Variants in PICALM observed in about 807,000 individuals in gnomAD.
PICALM encodes the protein phosphatidylinositol binding clathrin assembly protein.
Under a neutral mutation model 80.5 loss-of-function variants are expected in PICALM, and 40 were observed. The observed-to-expected ratio is 0.50, with a 90% CI of 0.39 to 0.65. PICALM has a LOEUF of 0.65. PICALM is among the 30% of genes least tolerant of loss of function. PICALM has a pLI of 0.00. For missense variants in PICALM, 676 were observed against 778.9 expected (o/e 0.87, Z 1.57); for synonymous variants, 288 against 260.3 (o/e 1.11, Z -1.02).
At chr11:86,013,780 CT>C (rs963128321) in intron 5 of PICALM, among the ~76,000 whole-genome samples, 1 of 151,968 alleles carries the variant, frequency 6.6e-6, no homozygotes, top group Non-Finnish European at 1.5e-5. Flanking sequence ...GGTCAGCAAA[CT>C]TTTTTTTGTA....
At chr11:85,967,835 G>C (rs1210654100) in intron 19 of PICALM, among the ~76,000 whole-genome samples, 1 of 152,118 alleles carries the variant, frequency 6.6e-6, no homozygotes, top group Non-Finnish European at 1.5e-5. Flanking sequence ...AATATCTAAA[G>C]GCAACAGTGT....
At chr11:86,045,212 A>G (rs569502880) in intron 1 of PICALM, among the ~76,000 whole-genome samples, 2 of 152,328 alleles carry the variant, frequency 1.3e-5, no homozygotes, top group East Asian at 1.9e-4. Context: ...ATTTTTCCTA[A>G]TAAGTTTAAT....
chr11:85,964,334 T>C (rs1157878788), intron 19 of PICALM, among the ~76,000 whole-genome samples: 1 of 152,242 alleles, frequency 6.6e-6, no homozygotes, highest in Admixed American at 6.5e-5. Context: ...TAGAGATTCA[T>C]TCTGTCTCAT....
At position 85,958,337 on chromosome 11, in the gene PICALM, C is replaced by T. The variant is rs971503670; in HGVS notation, c.*709G>A. 1.4e-5 allele frequency: 3 copies of T among 213,680 alleles called. No homozygotes were observed. The highest frequency in any genetic ancestry group is 6.8e-5 in the African/African-American group (3 of 44,286). 13.2% of individuals were successfully genotyped at this position (213,680 alleles called of 1,614,324 possible). On this transcript the variant is annotated 3_prime_UTR_variant, in exon 20 of 20. Coordinates refer to ENST00000393346, the MANE Select transcript of PICALM (RefSeq NM_007166.4). ...TTCTTAAGAGATTCAGACCTATGGACTTGCCTTAAAATATTTAGTGCTCTG... is the reference window on the plus strand; with the variant it reads ...TTCTTAAGAGATTCAGACCTATGGATTTGCCTTAAAATATTTAGTGCTCTG...
intron 8 of PICALM, 145 bp downstream of exon 8, chr11:86,007,397 A>G: frequency 1.8e-6 from 1 of 549,066 alleles, no homozygotes; most frequent in Non-Finnish European, 3.5e-6. Context: ...TGTTAGAACA[A>G]TCTTCAGGAA....
chr11:86,066,546 A>G (rs2096450641), intron 1 of PICALM, among the ~76,000 whole-genome samples: 1 of 152,188 alleles, frequency 6.6e-6, no homozygotes, highest in South Asian at 2.1e-4. Context: ...CATTTATGAA[A>G]CAACATGCAA....
At chr11:85,973,486 C>T (rs2094174635) in intron 19 of PICALM, among the ~76,000 whole-genome samples, 1 of 152,172 alleles carries the variant, frequency 6.6e-6, no homozygotes, top group Non-Finnish European at 1.5e-5. Flanking sequence ...ACTTTTATTA[C>T]AGTACACTGT....
At chr11:85,970,876 G>C (rs757223115) in intron 19 of PICALM, among the ~76,000 whole-genome samples, 13 of 152,150 alleles carry the variant, frequency 8.5e-5, no homozygotes, top group South Asian at 2.1e-4. Context: ...GCCTACAAAA[G>C]ATTGTTCCAA....
At chr11:86,024,915 T>G (rs1593052271) in intron 3 of PICALM, among the ~76,000 whole-genome samples, 1 of 152,280 alleles carries the variant, frequency 6.6e-6, no homozygotes, top group South Asian at 2.1e-4. Context: ...TCACCTTCTC[T>G]AAAGACATTT....
intron 19 of PICALM, among the ~76,000 whole-genome samples, chr11:85,967,770 T>G (rs1036560634): frequency 6.7e-6 from 1 of 149,894 alleles, no homozygotes; most frequent in South Asian, 2.1e-4. Context: ...CAGCCACTAG[T>G]TCTTAAATAC....
At chr11:86,032,602 G>C (rs2095774965) in intron 1 of PICALM, among the ~76,000 whole-genome samples, 2 of 152,008 alleles carry the variant, frequency 1.3e-5, no homozygotes, top group East Asian at 1.9e-4. Context: ...CTCCAGCCTG[G>C]GCAACAGAGT....
At chr11:86,037,916 C>A (rs1320806097) in intron 1 of PICALM, among the ~76,000 whole-genome samples, 2 of 152,162 alleles carry the variant, frequency 1.3e-5, no homozygotes, top group Non-Finnish European at 2.9e-5. Flanking sequence ...CAGTTCTGTA[C>A]TGTAATTTAT....
chr11:85,991,772 A>C (rs951144305), intron 12 of PICALM, among the ~76,000 whole-genome samples: 6 of 152,232 alleles, frequency 3.9e-5, no homozygotes, highest in Admixed American at 3.9e-4. Flanking sequence ...ACTGGGAAAA[A>C]AGAATCAGAA....
intron 1 of PICALM, among the ~76,000 whole-genome samples, chr11:86,046,766 T>A (rs1424157176): frequency 1.3e-5 from 2 of 152,138 alleles, no homozygotes; most frequent in African/African-American, 4.8e-5. Flanking sequence ...CAGACTGGAG[T>A]AGCTGGGACT....
Position 85,996,815 on chromosome 11 carries a change from T to G in PICALM, c.1258+11A>C. ...CATGTAACATCTAAAATAGAATTCATCAATGCTTACCTCCCCATGTACTTG... is the reference window on the plus strand; with the variant it reads ...CATGTAACATCTAAAATAGAATTCAGCAATGCTTACCTCCCCATGTACTTG... On this transcript the variant is annotated intron_variant, in intron 12 of 19. Coordinates refer to ENST00000393346, the MANE Select transcript of PICALM (RefSeq NM_007166.4). The G allele has an allele frequency of 6.8e-7, 1 of 1,472,964 alleles. No homozygotes were observed. 91.2% of individuals were successfully genotyped at this position (1,472,964 alleles called of 1,614,324 possible). A position where few individuals can be genotyped will look rare whatever the true frequency, so the allele number is the denominator to read the frequency against.
intron 1 of PICALM, among the ~76,000 whole-genome samples, chr11:86,065,166 C>T (rs531709199): frequency 6.6e-6 from 1 of 152,056 alleles, no homozygotes; most frequent in African/African-American, 2.4e-5. Flanking sequence ...AAATTGTGGG[C>T]CAGGCACAGT....
At chr11:86,015,066 A>T in intron 4 of PICALM, 103 bp from the exon 5 acceptor site, 8 of 658,420 alleles carry the variant, frequency 1.2e-5, no homozygotes, top group African/African-American at 5.8e-5. Flanking sequence ...CCAAGTTGCT[A>T]TGAAATGTCA....
At chr11:85,971,179 GATTTT>G (rs1468100652) in intron 19 of PICALM, among the ~76,000 whole-genome samples, 1 of 152,120 alleles carries the variant, frequency 6.6e-6, no homozygotes, top group East Asian at 1.9e-4. Context: ...ATTGCTGCCT[GATTTT>G]ATTTTCCTAG....
At chr11:86,044,328 A>C (rs770659710) in intron 1 of PICALM, among the ~76,000 whole-genome samples, 99 of 152,292 alleles carry the variant, frequency 6.5e-4, no homozygotes, top group Non-Finnish European at 1.0e-3. Context: ...ACTGACCATC[A>C]TGATCAACTA....
Sources: allele counts gnomAD v4.1 joint callset (sites outside exome capture counted in the v4.1 genomes callset), GRCh38; gene constraint gnomAD v4.1.1; transcripts MANE v1.5; gene names NCBI Gene and HGNC (gene_info 2026-07-23, HGNC 2026-07-21).